Variants in MAGI2 observed in about 807,000 individuals in gnomAD.
MAGI2 encodes the protein membrane associated guanylate kinase, WW and PDZ domain containing 2.
A neutral mutation model predicts 133.3 loss-of-function variants in MAGI2; 35 were observed. The observed-to-expected ratio is 0.26, with a 90% CI of 0.20 to 0.35. The LOEUF (loss-of-function observed/expected upper bound fraction) is 0.35. Ranked by LOEUF, MAGI2 falls within the 10% of genes least tolerant of loss-of-function variation. MAGI2 has a pLI of 1.00. For missense variants in MAGI2, 1,636 were observed against 1,863.4 expected, an observed-to-expected ratio of 0.88 and a Z score of 2.25; for synonymous variants, 729 against 710.6, an observed-to-expected ratio of 1.03 and a Z score of -0.41.
At chr7:78,661,020 C>T (rs1055474379) in intron 2 of MAGI2, among the ~76,000 whole-genome samples, 2 of 152,174 alleles carry the variant, frequency 1.3e-5, no homozygotes, top group Non-Finnish European at 1.5e-5. Context: ...CCACTCCCGT[C>T]GTTCTATTAC....
rs554661096 is a variant in MAGI2 at position 79,222,061 on chromosome 7, G to A, written c.302-214855C>T. Among the ~76,000 whole-genome samples the A allele has an allele frequency of 2.0e-5, 3 of 151,992 alleles. 1 individual carries two copies. Among genetic ancestry groups the A allele is most frequent in the African/African-American group, 7.3e-5 (3 of 41,304 alleles). ...AATAATTAAAAGCTACCAAGTGTTCGATGGGAAAATATGCAGTTATGTTTA... is the reference window on the plus strand; with the variant it reads ...AATAATTAAAAGCTACCAAGTGTTCAATGGGAAAATATGCAGTTATGTTTA... On this transcript the variant is annotated intron_variant, in intron 1 of 21. Transcript: ENST00000354212.
chr7:79,105,802 C>A (rs1818404096), intron 1 of MAGI2, among the ~76,000 whole-genome samples: 1 of 151,404 alleles, frequency 6.6e-6, no homozygotes, highest in Non-Finnish European at 1.5e-5. Context: ...AAGTCTAGTT[C>A]TTATCTTCAA....
intron 1 of MAGI2, among the ~76,000 whole-genome samples, chr7:79,375,536 G>A (rs945919513): frequency 6.6e-6 from 1 of 151,804 alleles, no homozygotes; most frequent in South Asian, 2.1e-4. Context: ...TAATAACAAG[G>A]CCCAAATATA....
intron 2 of MAGI2, among the ~76,000 whole-genome samples, chr7:78,757,997 G>A (rs369763108): frequency 5.3e-5 from 8 of 152,204 alleles, no homozygotes; most frequent in East Asian, 3.9e-4. Flanking sequence ...TTCTATCAAA[G>A]GTTTCTGTAC....
At chr7:79,443,069 C>T (rs905373324) in intron 1 of MAGI2, among the ~76,000 whole-genome samples, 2 of 151,962 alleles carry the variant, frequency 1.3e-5, no homozygotes, top group African/African-American at 4.8e-5. Flanking sequence ...GTCAGGAGTT[C>T]AAGACCAGCC....
intron 2 of MAGI2, among the ~76,000 whole-genome samples, chr7:78,757,931 G>A (rs1824119723): frequency 1.3e-5 from 2 of 152,256 alleles, no homozygotes; most frequent in Admixed American, 1.3e-4. Flanking sequence ...GATACACCCA[G>A]CTGCCTACTT....
intron 7 of MAGI2, chr7:78,347,105 C>T (rs920990550): frequency 3.3e-5 from 5 of 152,322 alleles, no homozygotes; most frequent in East Asian, 1.9e-4. Context: ...TGGACTTGGC[C>T]GGGTTTATTT....
chr7:78,522,097 G>A (rs1054101299), intron 3 of MAGI2, among the ~76,000 whole-genome samples: 3 of 152,098 alleles, frequency 2.0e-5, no homozygotes, highest in African/African-American at 7.2e-5. Flanking sequence ...GCTTTCAAAG[G>A]ATTATGGCTA....
chr7:79,070,796 G>T (rs1814889195), intron 1 of MAGI2, among the ~76,000 whole-genome samples: 1 of 151,966 alleles, frequency 6.6e-6, no homozygotes, highest in Non-Finnish European at 1.5e-5. Context: ...CAGCCCATCA[G>T]GTCATTTATG....
intron 2 of MAGI2, among the ~76,000 whole-genome samples, chr7:78,950,969 C>CTTTTTTT (rs761908445): frequency 1.6e-5 from 2 of 125,642 alleles, no homozygotes; most frequent in Non-Finnish European, 3.4e-5. Flanking sequence ...CTAACGTTAG[C>CTTTTTTT]TTTTTTTTTT....
chr7:78,773,274 A>G (rs139055568), intron 2 of MAGI2, among the ~76,000 whole-genome samples: 21 of 152,290 alleles, frequency 1.4e-4, no homozygotes, highest in African/African-American at 5.1e-4. Flanking sequence ...TTAAAAACAG[A>G]AAGATCATGA....
At chr7:78,343,321 A>C (rs1003716776) in intron 9 of MAGI2, among the ~76,000 whole-genome samples, 1 of 152,226 alleles carries the variant, frequency 6.6e-6, no homozygotes, top group African/African-American at 2.4e-5. Flanking sequence ...ATATAGGGAC[A>C]TATACAGACC....
rs943108321 is a variant in MAGI2, at chr7:78,730,867, G to A, written c.419-103628C>T. On this transcript the variant is annotated intron_variant, in intron 2 of 21. Transcript: ENST00000354212. ...ACTTTCTCTTTGGCTTTCTCCCTGG[G>A]TAGCAGAAAGATATATTCACTGAAT... Among the ~76,000 whole-genome samples the A allele has an allele frequency of 2.6e-5, 4 of 152,008 alleles. No homozygotes were observed. The South Asian group carries it at 8.3e-4, about 32-fold the overall frequency.
chr7:79,447,617 AT>A (rs1438606548), intron 1 of MAGI2, among the ~76,000 whole-genome samples: 2 of 151,920 alleles, frequency 1.3e-5, no homozygotes, highest in Non-Finnish European at 2.9e-5. Flanking sequence ...CTTATATTGC[AT>A]TTCTTTCATA....
At chr7:79,253,667 A>G (rs1833487039) in intron 1 of MAGI2, among the ~76,000 whole-genome samples, 1 of 152,106 alleles carries the variant, frequency 6.6e-6, no homozygotes, top group Non-Finnish European at 1.5e-5. Context: ...AACACAGTTT[A>G]AAACTGTTAA....
At chr7:78,927,805 G>A (rs1005308968) in intron 2 of MAGI2, among the ~76,000 whole-genome samples, 6 of 151,702 alleles carry the variant, frequency 4.0e-5, no homozygotes, top group Admixed American at 4.0e-4. Context: ...TGTCCAGAAA[G>A]GTCAAAACGT....
intron 2 of MAGI2, among the ~76,000 whole-genome samples, chr7:78,669,247 C>T (rs530588045): frequency 5.4e-4 from 82 of 151,940 alleles, no homozygotes; most frequent in African/African-American, 1.4e-3. Flanking sequence ...ATATCACCAC[C>T]GATCCCACAG....
intron 20 of MAGI2, among the ~76,000 whole-genome samples, chr7:78,097,794 C>A (rs1216876697): frequency 1.3e-5 from 2 of 152,008 alleles, no homozygotes; most frequent in Non-Finnish European, 2.9e-5. Flanking sequence ...CAAACCTTCA[C>A]ATGTATGCCC....
chr7:78,882,306 A>T (rs1217182076), intron 2 of MAGI2, among the ~76,000 whole-genome samples: 1 of 151,846 alleles, frequency 6.6e-6, no homozygotes, highest in East Asian at 1.9e-4. Flanking sequence ...ACTTCCCAAA[A>T]TTGAATCAGG....
Sources: gnomAD v4.1 joint callset for allele counts (sites outside exome capture counted in the v4.1 genomes callset) on GRCh38, gnomAD v4.1.1 for gene constraint, MANE v1.5 for transcripts, NCBI Gene and HGNC (gene_info 2026-07-23, HGNC 2026-07-21) for gene names.